ANO2: variants seen among roughly 807,000 people sequenced by gnomAD.
ANO2 encodes anoctamin 2.
Under a neutral mutation model 124.2 loss-of-function variants are expected in ANO2, and 101 were observed. The observed-to-expected ratio is 0.81, with a 90% CI of 0.69 to 0.96. The LOEUF is 0.96. Ranked by LOEUF, ANO2 falls within the 40% of genes least tolerant of loss-of-function variation. The pLI, the probability that ANO2 is intolerant of heterozygous loss-of-function variation, is 0.00. For missense variants in ANO2, 1,293 were observed against 1,274.5 expected (o/e 1.01, Z -0.22); for synonymous variants, 486 against 482.5 (o/e 1.01, Z -0.09).
At position 5,837,416 on chromosome 12, in the gene ANO2, C is replaced by T. The variant is rs566899431; in HGVS notation, c.634-4813G>A. On this transcript the variant is annotated intron_variant, in intron 4 of 24. Coordinates refer to ENST00000682330, the MANE Select transcript of ANO2 (RefSeq NM_001364791.2). Reference sequence around the variant, plus strand: ...TATGTATACATGTGCCATGCTGGTGCGCTGCACCCACTAACTCGTCATCTA... The same window carrying T: ...TATGTATACATGTGCCATGCTGGTGTGCTGCACCCACTAACTCGTCATCTA... Among the ~76,000 whole-genome samples the T allele has an allele frequency of 1.6e-4, 23 of 144,278 alleles. 1 individual carries two copies. The South Asian group carries it at 3.5e-3, about 22-fold the overall frequency. 94.7% of individuals were successfully genotyped at this position (144,278 alleles called of 152,430 possible).
At chr12:5,762,230 G>A (rs1312968119) in intron 10 of ANO2, among the ~76,000 whole-genome samples, 1 of 151,800 alleles carries the variant, frequency 6.6e-6, no homozygotes, top group East Asian at 1.9e-4. Context: ...AACATTAATC[G>A]CTGAACATAA....
chr12:5,565,740 AG>A, intron 23 of ANO2, 77 bp from the exon 24 acceptor site: 1 of 1,226,264 alleles, frequency 8.2e-7, no homozygotes, highest in Non-Finnish European at 1.1e-6. Flanking sequence ...TGAAACCTCG[AG>A]GGCTGGCTGG....
At chr12:5,603,881 G>A (rs778449869) in intron 19 of ANO2, among the ~76,000 whole-genome samples, 1 of 145,590 alleles carries the variant, frequency 6.9e-6, no homozygotes, top group Admixed American at 7.0e-5. Flanking sequence ...GGAGGCGGAG[G>A]TTGCAGTGAG....
chr12:5,846,447 A>G (rs1399531197), intron 4 of ANO2, among the ~76,000 whole-genome samples: 1 of 152,222 alleles, frequency 6.6e-6, no homozygotes, highest in East Asian at 1.9e-4. Flanking sequence ...ATACAGAGAA[A>G]GCCAACAAGC....
intron 6 of ANO2, among the ~76,000 whole-genome samples, chr12:5,828,807 G>T (rs1954066233): frequency 6.6e-6 from 1 of 152,212 alleles, no homozygotes; most frequent in Non-Finnish European, 1.5e-5. Context: ...GCCTATGCCA[G>T]TCTATAAAGA....
At chr12:5,632,903 A>G (rs536456684) in intron 16 of ANO2, among the ~76,000 whole-genome samples, 2 of 152,178 alleles carry the variant, frequency 1.3e-5, no homozygotes, top group South Asian at 2.1e-4. Context: ...TACCCTTTAC[A>G]TTGGATCTCC....
At chr12:5,784,725 G>C (rs1303027122) in intron 10 of ANO2, among the ~76,000 whole-genome samples, 9 of 152,210 alleles carry the variant, frequency 5.9e-5, no homozygotes, top group Non-Finnish European at 1.2e-4. Flanking sequence ...GGGCTGGGAA[G>C]TCTCCACCAA....
intron 11 of ANO2, among the ~76,000 whole-genome samples, chr12:5,747,573 A>T (rs1951305177): frequency 6.6e-6 from 1 of 152,156 alleles, no homozygotes; most frequent in Admixed American, 6.5e-5. Context: ...CAACATCCAA[A>T]ACCTCAATTT....
At chr12:5,885,717 C>T (rs1214917585) in intron 3 of ANO2, among the ~76,000 whole-genome samples, 1 of 152,174 alleles carries the variant, frequency 6.6e-6, no homozygotes, top group Non-Finnish European at 1.5e-5. Flanking sequence ...CCCTCAACAC[C>T]TTGCAATCCT....
At chr12:5,569,105 A>G (rs1941951440) in intron 23 of ANO2, among the ~76,000 whole-genome samples, 1 of 152,264 alleles carries the variant, frequency 6.6e-6, no homozygotes, top group Non-Finnish European at 1.5e-5. Context: ...ACATGTAAGC[A>G]CTAAATGCTG....
rs1385598402 is a variant in ANO2, at chr12:5,938,103, C to T, written c.22+7093G>A. Among the ~76,000 whole-genome samples, 3 of 152,322 alleles carry T rather than the reference C, an allele frequency of 2.0e-5. No homozygotes were observed. In the East Asian group the frequency reaches 5.8e-4, roughly 29 times the overall value. ...GTGAAGCCTCACTCTTAGCCAAGGA[C>T]TCACGAAGGGTCCCCAAAGAGCCCT... On this transcript the variant is annotated intron_variant, in intron 1 of 24. Transcript: ENST00000682330.
intron 3 of ANO2, among the ~76,000 whole-genome samples, chr12:5,903,646 G>GAT (rs900689181): frequency 5.1e-5 from 4 of 78,658 alleles, no homozygotes; most frequent in Non-Finnish European, 7.4e-5. Flanking sequence ...GATGTGCAAA[G>GAT]ATGTGTGTGT....
At chr12:5,664,570 G>C (rs1417099426) in intron 14 of ANO2, among the ~76,000 whole-genome samples, 1 of 152,176 alleles carries the variant, frequency 6.6e-6, no homozygotes, top group Non-Finnish European at 1.5e-5. Context: ...AAGTTTGGTT[G>C]CTTGACCAGG....
At chr12:5,821,442 G>C (rs947528835) in intron 7 of ANO2, among the ~76,000 whole-genome samples, 1 of 152,210 alleles carries the variant, frequency 6.6e-6, no homozygotes, top group Non-Finnish European at 1.5e-5. Context: ...TTTTGAGTGG[G>C]ATCCAGAATA....
At chr12:5,878,610 A>T (rs1036291446) in intron 3 of ANO2, among the ~76,000 whole-genome samples, 3 of 152,258 alleles carry the variant, frequency 2.0e-5, no homozygotes, top group Admixed American at 2.0e-4. Context: ...AGACAAACAC[A>T]GACAAATAAC....
At chr12:5,856,797 C>T (rs368308533) in intron 3 of ANO2, among the ~76,000 whole-genome samples, 22 of 152,202 alleles carry the variant, frequency 1.4e-4, no homozygotes, top group African/African-American at 3.9e-4. Context: ...TGTTTATCCA[C>T]GGTGATTTTA....
Position 5,904,254 on chromosome 12 carries a change from G to C in ANO2, c.534+16786C>G, listed in dbSNP as rs979653813. Among the ~76,000 whole-genome samples, 34 of 152,324 alleles carry C rather than the reference G, an allele frequency of 2.2e-4. No individual in the cohort carries two copies. The highest frequency in any genetic ancestry group is 7.9e-4 in the African/African-American group (33 of 41,562). On this transcript the variant is annotated intron_variant, in intron 3 of 24. Transcript: ENST00000682330. The surrounding 1 kb of genome is among the most constrained non-coding windows in gnomAD (Gnocchi z 4.1). Reference sequence around the variant, plus strand: ...GGACCATGGTCCTTGAAAAAGGAAAGAGCCAATATGATGTGATTTCCAGAA... The same window carrying C: ...GGACCATGGTCCTTGAAAAAGGAAACAGCCAATATGATGTGATTTCCAGAA...
intron 14 of ANO2, among the ~76,000 whole-genome samples, chr12:5,695,159 T>C (rs561463939): frequency 6.6e-6 from 1 of 152,260 alleles, no homozygotes; most frequent in African/African-American, 2.4e-5. Context: ...TGGTCCTCAT[T>C]AAATTTTTGT....
intron 3 of ANO2, among the ~76,000 whole-genome samples, chr12:5,917,954 G>C (rs1333461906): frequency 6.6e-6 from 1 of 152,138 alleles, no homozygotes; most frequent in African/African-American, 2.4e-5. Flanking sequence ...AGTCAGGCCT[G>C]GAATGTGAAC....
Sources: gnomAD v4.1 joint callset for allele counts (sites outside exome capture counted in the v4.1 genomes callset) on GRCh38, gnomAD v4.1.1 for gene constraint, Gnocchi (gnomAD v3.1) non-coding constraint, MANE v1.5 for transcripts, NCBI Gene and HGNC (gene_info 2026-07-23, HGNC 2026-07-21) for gene names.